The following NRXN3 variants were observed in gnomAD, a reference collection of about 807,000 sequenced individuals.
NRXN3 encodes the protein neurexin 3, also known as neurexin III.
A neutral mutation model predicts 137.6 loss-of-function variants in NRXN3; 32 were observed. The ratio of observed to expected loss-of-function variants is 0.23; its 90% CI spans 0.18 to 0.31. NRXN3 has a LOEUF of 0.31. Among genes scored for constraint, NRXN3 ranks in the 10% least tolerant of loss-of-function variants. The pLI, the probability that NRXN3 is intolerant of heterozygous loss-of-function variation, is 1.00. For synonymous variants in NRXN3, 798 were observed against 784.5 expected (o/e 1.02, Z -0.29); for missense variants, 1,574 against 2,062.5 (o/e 0.76, Z 4.59).
chr14:79,746,527 A>G (rs1336566523), intron 19 of NRXN3, among the ~76,000 whole-genome samples: 4 of 152,132 alleles, frequency 2.6e-5, no homozygotes, highest in Non-Finnish European at 5.9e-5. Flanking sequence ...CTGGAAATGG[A>G]GCTAGGTCCA....
intron 8 of NRXN3, among the ~76,000 whole-genome samples, chr14:78,765,431 G>A (rs1268839921): frequency 6.6e-6 from 1 of 152,124 alleles, no homozygotes; most frequent in Non-Finnish European, 1.5e-5. Context: ...GGGATTACAG[G>A]CATGAGCCAC....
At chr14:78,528,442 A>G (rs1260819160) in intron 4 of NRXN3, among the ~76,000 whole-genome samples, 1 of 152,092 alleles carries the variant, frequency 6.6e-6, no homozygotes, top group Non-Finnish European at 1.5e-5. Context: ...AGGATGTGGG[A>G]TGTAGTGCGG....
intron 15 of NRXN3, among the ~76,000 whole-genome samples, chr14:79,325,864 C>T (rs1400438319): frequency 6.6e-6 from 1 of 151,926 alleles, no homozygotes; most frequent in Non-Finnish European, 1.5e-5. Context: ...ACAGGGCCAT[C>T]GTGAGATGCA....
chr14:79,827,763 C>T (rs557108366), intron 20 of NRXN3, among the ~76,000 whole-genome samples: 28 of 149,496 alleles, frequency 1.9e-4, no homozygotes, highest in African/African-American at 6.6e-4. Flanking sequence ...GTCGTGATCT[C>T]GGCTCACTGC....
At chr14:79,621,954 C>G (rs938297543) in intron 16 of NRXN3, among the ~76,000 whole-genome samples, 1 of 152,142 alleles carries the variant, frequency 6.6e-6, no homozygotes, top group African/African-American at 2.4e-5. Flanking sequence ...TGTAGAATCT[C>G]AAGCCCCACT....
intron 15 of NRXN3, among the ~76,000 whole-genome samples, chr14:79,220,894 T>A (rs2069487692): frequency 6.6e-6 from 1 of 152,030 alleles, no homozygotes; most frequent in African/African-American, 2.4e-5. Flanking sequence ...CCTAATGCTA[T>A]CCCTCCCCTA....
At chr14:79,333,954 T>A (rs2092021557) in intron 15 of NRXN3, among the ~76,000 whole-genome samples, 1 of 152,198 alleles carries the variant, frequency 6.6e-6, no homozygotes, top group Admixed American at 6.5e-5. Context: ...TGTGTGCCGA[T>A]CTTGAGCCCT....
chr14:78,926,909 A>AAT lies in NRXN3; in HGVS notation c.2276-30323_2276-30322dup, dbSNP rs1308491383. On this transcript the variant is annotated intron_variant, in intron 10 of 20. Coordinates refer to ENST00000335750, the MANE Select transcript of NRXN3 (RefSeq NM_001330195.2). Reference sequence around the variant, plus strand: ...ATTTATATATATATATAATATATATAATATATATATAATATATAATATATT... The same window carrying AAT: ...ATTTATATATATATATAATATATATAATATATATATATAATATATAATATATT... 1.4e-4 allele frequency among the ~76,000 whole-genome samples: 4 copies of AAT among 28,868 alleles called. 2 individuals are homozygous for AAT. Among genetic ancestry groups the AAT allele is most frequent in the Non-Finnish European group, 1.9e-4 (4 of 20,776 alleles). 18.9% of individuals were successfully genotyped at this position (28,868 alleles called of 152,430 possible). A position where few individuals can be genotyped will look rare whatever the true frequency, so the allele number is the denominator to read the frequency against.
intron 14 of NRXN3, among the ~76,000 whole-genome samples, chr14:78,985,135 A>T (rs562212868): frequency 3.9e-5 from 6 of 152,302 alleles, no homozygotes; most frequent in Admixed American, 2.0e-4. Context: ...AAAAGATTGC[A>T]TACTTTGCAG....
At chr14:79,819,606 G>A (rs781135090) in intron 20 of NRXN3, among the ~76,000 whole-genome samples, 5 of 142,332 alleles carry the variant, frequency 3.5e-5, no homozygotes, top group Admixed American at 7.5e-5. Flanking sequence ...TGCCTCAACC[G>A]CCTGAGTAGC....
intron 3 of NRXN3, among the ~76,000 whole-genome samples, chr14:78,295,238 G>A (rs532521398): frequency 6.6e-6 from 1 of 152,210 alleles, no homozygotes; most frequent in East Asian, 1.9e-4. Flanking sequence ...CCCCAGTCCT[G>A]TTTCCTGTCA....
intron 19 of NRXN3, among the ~76,000 whole-genome samples, chr14:79,748,556 T>C (rs1017049232): frequency 2.0e-5 from 3 of 151,990 alleles, no homozygotes; most frequent in African/African-American, 4.8e-5. Context: ...CCTTGAAGAG[T>C]TGCTTGCCTC....
At chr14:79,409,556 GTTGT>G (rs1344848087) in intron 15 of NRXN3, among the ~76,000 whole-genome samples, 3 of 145,796 alleles carry the variant, frequency 2.1e-5, no homozygotes, top group African/African-American at 5.0e-5. Context: ...CTGAGCTCCT[GTTGT>G]TTGTCAATTG....
chr14:79,595,305 A>C (rs1210635204), intron 16 of NRXN3, among the ~76,000 whole-genome samples: 2 of 152,160 alleles, frequency 1.3e-5, no homozygotes, highest in Admixed American at 1.3e-4. Context: ...ATTTATGGTA[A>C]ATGTCTTCCA....
chr14:79,284,245 C>A (rs911447305), intron 15 of NRXN3, among the ~76,000 whole-genome samples: 1 of 148,744 alleles, frequency 6.7e-6, no homozygotes, highest in African/African-American at 2.5e-5. Flanking sequence ...CACCTGTAAT[C>A]CTAGCACTTT....
chr14:78,263,086 T>G (rs1047515914), intron 2 of NRXN3, among the ~76,000 whole-genome samples: 5 of 152,168 alleles, frequency 3.3e-5, no homozygotes, highest in African/African-American at 1.2e-4. Context: ...CCTTTTATTT[T>G]GGGGATGTGA....
chr14:78,470,736 A>G (rs2095247277), intron 4 of NRXN3, among the ~76,000 whole-genome samples: 1 of 152,194 alleles, frequency 6.6e-6, no homozygotes, highest in South Asian at 2.1e-4. Flanking sequence ...TTGTGTAAAT[A>G]TGGTTTCATC....
intron 4 of NRXN3, among the ~76,000 whole-genome samples, chr14:78,589,735 G>A (rs888901194): frequency 6.6e-6 from 1 of 152,176 alleles, no homozygotes; most frequent in African/African-American, 2.4e-5. Context: ...GGCAGCAGGT[G>A]TGTCTTCCCC....
chr14:79,454,871 T>C (rs2096236920), intron 15 of NRXN3, among the ~76,000 whole-genome samples: 1 of 152,184 alleles, frequency 6.6e-6, no homozygotes, highest in Non-Finnish European at 1.5e-5. Context: ...TTAACAGATA[T>C]CTTTAAGCTG....
Sources: allele counts gnomAD v4.1 joint callset (sites outside exome capture counted in the v4.1 genomes callset), GRCh38; gene constraint gnomAD v4.1.1; transcripts MANE v1.5; gene names NCBI Gene and HGNC (gene_info 2026-07-23, HGNC 2026-07-21).